Variants in PLCG2 observed in about 807,000 individuals in gnomAD.
The protein encoded by PLCG2 is phospholipase C gamma 2.
In PLCG2, 69 loss-of-function variants were observed where a neutral mutation model predicts 175.6. The observed-to-expected ratio is 0.39, with a 90% CI of 0.32 to 0.48. PLCG2 has a LOEUF of 0.48. Ranked by LOEUF, PLCG2 falls within the 20% of genes least tolerant of loss-of-function variation. PLCG2 has a pLI of 0.91. For synonymous variants in PLCG2, 827 were observed against 624.0 expected (o/e 1.33, Z -4.85); for missense variants, 1,798 against 1,650.9 (o/e 1.09, Z -1.54).
intron 1 of PLCG2, chr16:81,783,107 G>T (rs765114037): frequency 4.1e-6 from 2 of 483,782 alleles, no homozygotes; most frequent in Non-Finnish European, 8.3e-6. Flanking sequence ...GAGGAGCCTG[G>T]TCCCTTGTCC....
rs1911761729 is a variant in PLCG2, at chr16:81,961,082, G to C, written c.*3084G>C. 1.7e-5 allele frequency: 4 copies of C among 231,482 alleles called. No homozygotes were observed. Among genetic ancestry groups the C allele is most frequent in the Non-Finnish European group, 3.4e-5 (4 of 117,084 alleles). The allele number at this position is 231,482 out of a possible 1,614,324, so 14.3% of individuals were successfully genotyped here. A position where few individuals can be genotyped will look rare whatever the true frequency, so the allele number is the denominator to read the frequency against. ...ATCTTTTTGCAAATGGATTTTCCAAGTTTTTCTGGTGGTTCCAAATTTTTT... is the reference window on the plus strand; with the variant it reads ...ATCTTTTTGCAAATGGATTTTCCAACTTTTTCTGGTGGTTCCAAATTTTTT... On this transcript the variant is annotated 3_prime_UTR_variant, in exon 33 of 33. Coordinates refer to ENST00000564138, the MANE Select transcript of PLCG2 (RefSeq NM_002661.5).
intron 31 of PLCG2, among the ~76,000 whole-genome samples, chr16:81,951,150 T>TTGTGTG (rs71146056): frequency 1.3e-5 from 2 of 151,726 alleles, no homozygotes; most frequent in Non-Finnish European, 2.9e-5. Context: ...AATTTAAAAT[T>TTGTGTG]TGTGTGTGTG....
chr16:81,801,734 G>T (rs1316565674), intron 2 of PLCG2, among the ~76,000 whole-genome samples: 1 of 151,840 alleles, frequency 6.6e-6, no homozygotes, highest in Admixed American at 6.6e-5. Flanking sequence ...AGGCTGGAGT[G>T]CAGTGGCACA....
At chr16:81,788,889 T>C (rs560793742) in intron 2 of PLCG2, among the ~76,000 whole-genome samples, 1 of 152,102 alleles carries the variant, frequency 6.6e-6, no homozygotes, top group African/African-American at 2.4e-5. Context: ...GTGGCCACCC[T>C]CCCTTCCCCC....
chr16:81,956,684 G>A lies in PLCG2; in HGVS notation c.3571-11G>A. On this transcript the variant is annotated splice_polypyrimidine_tract_variant and intron_variant, in intron 31 of 32. Transcript: ENST00000564138. Reference sequence around the variant, plus strand: ...TCACCACATGGTTGTTCTCTCCCCTGCATCCTCCAGGAGAGCGAAGAGGAA... The same window carrying A: ...TCACCACATGGTTGTTCTCTCCCCTACATCCTCCAGGAGAGCGAAGAGGAA... 2 of 1,611,676 alleles carry A rather than the reference G, an allele frequency of 1.2e-6. No individual in the cohort carries two copies. The highest frequency in any genetic ancestry group is 1.7e-6 in the Non-Finnish European group (2 of 1,178,812).
rs371145343 is a variant in PLCG2, at chr16:81,859,220, T to G, written c.479+57T>G. 1,281 of 1,150,488 alleles carry G rather than the reference T, an allele frequency of 1.1e-3. 8 individuals are homozygous for G. Among genetic ancestry groups the G allele is most frequent in the South Asian group, 1.7e-3 (140 of 81,006 alleles). 71.3% of individuals were successfully genotyped at this position (1,150,488 alleles called of 1,614,324 possible). A position where few individuals can be genotyped will look rare whatever the true frequency, so the allele number is the denominator to read the frequency against. On this transcript the variant is annotated intron_variant, in intron 5 of 32. Coordinates refer to ENST00000564138, the MANE Select transcript of PLCG2 (RefSeq NM_002661.5). ...TTGGATTTCGATCCTCATTCTATCT[T>G]TAAACCTTCCAAGGGGGTGGGAGCA...
At chr16:81,785,799 C>T (rs1262972056) in intron 1 of PLCG2, 144 bp from the exon 2 acceptor site, 7 of 569,948 alleles carry the variant, frequency 1.2e-5, no homozygotes, top group Non-Finnish European at 1.9e-5. Context: ...TCTGAGTGGC[C>T]AGCGATGCCT....
intron 31 of PLCG2, among the ~76,000 whole-genome samples, chr16:81,952,145 A>G (rs1341435909): frequency 2.0e-5 from 3 of 152,164 alleles, no homozygotes; most frequent in Non-Finnish European, 4.4e-5. Flanking sequence ...AAAAAAACAT[A>G]AAATCTTATT....
chr16:81,809,547 T>C (rs918578486), intron 2 of PLCG2, among the ~76,000 whole-genome samples: 1 of 152,196 alleles, frequency 6.6e-6, no homozygotes, highest in African/African-American at 2.4e-5. Flanking sequence ...AAACTCCTTG[T>C]ATGTACATCC....
At chr16:81,883,556 A>T in intron 9 of PLCG2, 1 of 589,790 alleles carries the variant, frequency 1.7e-6, no homozygotes. Flanking sequence ...GGATGAGAAG[A>T]GCCTCATGTC....
At chr16:81,820,625 AT>A (rs11305035) in intron 2 of PLCG2, among the ~76,000 whole-genome samples, 145,970 of 147,460 alleles carry the variant, frequency 0.99, 72,244 homozygotes, top group East Asian at 1. Flanking sequence ...ACATTACCCA[AT>A]TTTTTTTTTT....
At chr16:81,805,481 A>G (rs1911957106) in intron 2 of PLCG2, among the ~76,000 whole-genome samples, 1 of 147,376 alleles carries the variant, frequency 6.8e-6, no homozygotes, top group Non-Finnish European at 1.5e-5. Flanking sequence ...CCTGGGTAAC[A>G]GAGCGAGACT....
At chr16:81,898,098 T>A (rs1597116726) in intron 13 of PLCG2, 1 of 284,756 alleles carries the variant, frequency 3.5e-6, no homozygotes, top group Non-Finnish European at 7.0e-6. Flanking sequence ...GCTTTGAGAG[T>A]TTGCTTTCAT....
chr16:81,853,201 C>G (rs1430769116), intron 2 of PLCG2, among the ~76,000 whole-genome samples: 1 of 152,102 alleles, frequency 6.6e-6, no homozygotes, highest in Admixed American at 6.5e-5. Context: ...CATGGTGGCA[C>G]ATGCCTGTAA....
chr16:81,839,909 G>A (rs1215300158), intron 2 of PLCG2, among the ~76,000 whole-genome samples: 1 of 152,152 alleles, frequency 6.6e-6, no homozygotes, highest in Non-Finnish European at 1.5e-5. Context: ...AACTTAGGTA[G>A]GTGTGATGGT....
At chr16:81,757,822 C>G (rs988475422) in intron 2 of PLCG2, among the ~76,000 whole-genome samples, 1 of 152,020 alleles carries the variant, frequency 6.6e-6, no homozygotes, top group African/African-American at 2.4e-5. Flanking sequence ...TCCCTATACC[C>G]CCTTCCCCCA....
At chr16:81,892,257 A>G (rs900579596) in intron 11 of PLCG2, among the ~76,000 whole-genome samples, 6 of 152,202 alleles carry the variant, frequency 3.9e-5, no homozygotes, top group Non-Finnish European at 8.8e-5. Flanking sequence ...GGTCACCGTG[A>G]GAGCTGTCGG....
chr16:81,908,606 C>G lies in PLCG2; in HGVS notation c.1733+15C>G. 6.3e-7 allele frequency: 1 copy of G among 1,591,828 alleles called. No individual in the cohort carries two copies. Among genetic ancestry groups the G allele is most frequent in the South Asian group, 1.1e-5 (1 of 87,548 alleles). ...CTGTCCTTCTGGTAATGCCCCCGAC[C>G]CAGGGAACGCCTACCTTCTTCTCCA... On this transcript the variant is annotated intron_variant, in intron 17 of 32. Coordinates refer to ENST00000564138, the MANE Select transcript of PLCG2 (RefSeq NM_002661.5).
chr16:81,819,393 G>C (rs1370886408), intron 2 of PLCG2, among the ~76,000 whole-genome samples: 2 of 152,118 alleles, frequency 1.3e-5, no homozygotes, highest in African/African-American at 2.4e-5. Context: ...GGGAGCTCCT[G>C]CGAATCCCCT....
Sources: gnomAD v4.1 joint callset for allele counts (sites outside exome capture counted in the v4.1 genomes callset) on GRCh38, gnomAD v4.1.1 for gene constraint, MANE v1.5 for transcripts, NCBI Gene and HGNC (gene_info 2026-07-23, HGNC 2026-07-21) for gene names.